Variants in NHERF1 observed in about 807,000 individuals in gnomAD.
The protein encoded by NHERF1 is Na(+)/H(+) exchange regulatory cofactor NHE-RF1.
chr17:74,768,687 G>T, the NHERF1 span: 22 of 1,576,646 alleles, frequency 1.4e-5, no homozygotes, highest in East Asian at 9.3e-5. Context: ...GACTGGCAGG[G>T]CCGAGCCAGC....
chr17:74,748,658 G>A, the NHERF1 span: 3 of 579,554 alleles, frequency 5.2e-6, no homozygotes, highest in Non-Finnish European at 9.1e-6. The surrounding 1 kb of genome is among the most constrained non-coding windows in gnomAD (Gnocchi z 4.3). Flanking sequence ...ATTGGTCTGT[G>A]GTCCTCTCTC....
chr17:74,760,878 A>C, the NHERF1 span, among the ~76,000 whole-genome samples: 1 of 152,098 alleles, frequency 6.6e-6, no homozygotes, highest in African/African-American at 2.4e-5. This position sits in a 1 kb window ranked among gnomAD's most constrained non-coding sequence, Gnocchi z 4.5. Flanking sequence ...GGGAGCTGGA[A>C]CCTGGCTGGG....
chr17:74,761,445 G>C, the NHERF1 span, among the ~76,000 whole-genome samples: 1 of 152,226 alleles, frequency 6.6e-6, no homozygotes, highest in Non-Finnish European at 1.5e-5. This position sits in a 1 kb window ranked among gnomAD's most constrained non-coding sequence, Gnocchi z 4.3. Context: ...ATTCGGCTTG[G>C]TGGGGGTGAG....
At chr17:74,749,360 C>G in the NHERF1 span, 1 of 1,336,604 alleles carries the variant, frequency 7.5e-7, no homozygotes. This position sits in a 1 kb window ranked among gnomAD's most constrained non-coding sequence, Gnocchi z 5.6. Flanking sequence ...GTGCCCCGGC[C>G]GTCCAGCCCC....
the NHERF1 span, among the ~76,000 whole-genome samples, chr17:74,764,754 C>G: frequency 2.0e-5 from 3 of 152,202 alleles, no homozygotes; most frequent in Non-Finnish European, 1.5e-5. This position sits in a 1 kb window ranked among gnomAD's most constrained non-coding sequence, Gnocchi z 4.9. Flanking sequence ...GGGGACAGTC[C>G]CCTCCCCGCA....
the NHERF1 span, among the ~76,000 whole-genome samples, chr17:74,763,988 C>T: frequency 2.0e-5 from 3 of 152,196 alleles, no homozygotes; most frequent in African/African-American, 7.2e-5. Flanking sequence ...CTCAGCCTTG[C>T]TGGCTCTAGA....
At chr17:74,767,061 C>A in the NHERF1 span, 3 of 1,336,672 alleles carry the variant, frequency 2.2e-6, no homozygotes, top group Non-Finnish European at 3.2e-6. Context: ...GGTAGGATAG[C>A]CATCTGACTA....
the NHERF1 span, chr17:74,748,793 C>T: frequency 1.4e-6 from 2 of 1,468,488 alleles, no homozygotes; most frequent in Non-Finnish European, 1.9e-6. This position sits in a 1 kb window ranked among gnomAD's most constrained non-coding sequence, Gnocchi z 4.3. Context: ...TGGGCCGTCC[C>T]GTCCCGTCCC....
chr17:74,763,447 G>T, the NHERF1 span: 2 of 1,613,890 alleles, frequency 1.2e-6, no homozygotes, highest in Non-Finnish European at 1.7e-6. Flanking sequence ...AGACCAAGCT[G>T]CTGGTGGTGG....
At chr17:74,751,331 C>T in the NHERF1 span, among the ~76,000 whole-genome samples, 2 of 152,218 alleles carry the variant, frequency 1.3e-5, no homozygotes, top group South Asian at 2.1e-4. The surrounding 1 kb of genome is among the most constrained non-coding windows in gnomAD (Gnocchi z 4.3). Flanking sequence ...TGTAAGAGTT[C>T]GTTTTTCTAA....
chr17:74,752,693 C>T, the NHERF1 span, among the ~76,000 whole-genome samples: 2 of 152,116 alleles, frequency 1.3e-5, no homozygotes, highest in Non-Finnish European at 2.9e-5. Context: ...GGAGTTTCAC[C>T]GTGTTGCCCA....
chr17:74,766,181 T>G, the NHERF1 span, among the ~76,000 whole-genome samples: 125 of 151,938 alleles, frequency 8.2e-4, 1 homozygote, highest in African/African-American at 2.6e-3. Flanking sequence ...GTTTTTTGGT[T>G]TGTTTTTTTT....
the NHERF1 span, chr17:74,763,085 A>C: frequency 5.8e-6 from 2 of 347,208 alleles, no homozygotes; most frequent in East Asian, 5.1e-5. Flanking sequence ...CCGGCCTCCC[A>C]GCTCGCTCCC....
At chr17:74,768,125 A>G in the NHERF1 span, 1 of 1,569,756 alleles carries the variant, frequency 6.4e-7, no homozygotes, top group South Asian at 1.1e-5. Flanking sequence ...CTGACAACCC[A>G]CAACCCTCTC....
the NHERF1 span, among the ~76,000 whole-genome samples, chr17:74,749,529 T>C: frequency 1.3e-5 from 2 of 152,236 alleles, no homozygotes; most frequent in African/African-American, 4.8e-5. This position sits in a 1 kb window ranked among gnomAD's most constrained non-coding sequence, Gnocchi z 5.6. Context: ...CTTTGCCGCC[T>C]GCACCTCTTG....
chr17:74,755,957 T>G, the NHERF1 span, among the ~76,000 whole-genome samples: 14 of 141,602 alleles, frequency 9.9e-5, no homozygotes, highest in African/African-American at 2.1e-4. Flanking sequence ...ATTTTTCCTG[T>G]TTTTTTTTTT....
chr17:74,766,982 G>C, the NHERF1 span: 2 of 1,613,780 alleles, frequency 1.2e-6, no homozygotes, highest in Middle Eastern at 1.6e-4. Flanking sequence ...AGAAGGTAAG[G>C]GCGGGTCCCC....
At chr17:74,766,219 CAG>C in the NHERF1 span, among the ~76,000 whole-genome samples, 1 of 151,020 alleles carries the variant, frequency 6.6e-6, no homozygotes, top group Non-Finnish European at 1.5e-5. Flanking sequence ...TTTGTTTTGC[CAG>C]AGTCTTGCTG....
chr17:74,749,152 C>G, the NHERF1 span: 12 of 1,551,468 alleles, frequency 7.7e-6, no homozygotes, highest in South Asian at 1.2e-5. The surrounding 1 kb of genome is among the most constrained non-coding windows in gnomAD (Gnocchi z 5.6). Flanking sequence ...TGCAGAAGCT[C>G]GGCGTCCAGG....
Sources: allele counts gnomAD v4.1 joint callset (sites outside exome capture counted in the v4.1 genomes callset), GRCh38; gene constraint gnomAD v4.1.1; non-coding constraint Gnocchi (gnomAD v3.1); transcripts MANE v1.5; gene names NCBI Gene and HGNC (gene_info 2026-07-23, HGNC 2026-07-21).